RANBP17: variants seen among roughly 807,000 people sequenced by gnomAD.
RANBP17 encodes RAN binding protein 17, also known as ran-binding protein 17.
Under a neutral mutation model 141.2 loss-of-function variants are expected in RANBP17, and 158 were observed. The ratio of observed to expected loss-of-function variants is 1.12; its 90% CI spans 0.98 to 1.28. The LOEUF (loss-of-function observed/expected upper bound fraction) is 1.28. Among genes scored for constraint, RANBP17 ranks in the 50% most tolerant of loss-of-function variants. The pLI is 0.00. For missense variants in RANBP17, 1,438 were observed against 1,290.7 expected (o/e 1.11, Z -1.75); for synonymous variants, 430 against 450.0 (o/e 0.96, Z 0.56).
rs1007895517 is a variant in RANBP17 at position 171,014,051 on chromosome 5, T to C, written c.1710+45674T>C. Among the ~76,000 whole-genome samples, 12 of 152,106 alleles carry C rather than the reference T, an allele frequency of 7.9e-5. 1 individual carries two copies. Among genetic ancestry groups the C allele is most frequent in the Admixed American group, 7.9e-4 (12 of 15,262 alleles). On this transcript the variant is annotated intron_variant, in intron 14 of 27. Transcript: ENST00000523189. The stretch of plus-strand genomic sequence containing the variant: ...CACAAATTTTTATATCCTTGATGAA[T>C]TGACCTCTTTATTATTTTGAAAAGA...
intron 1 of RANBP17, among the ~76,000 whole-genome samples, chr5:170,877,413 C>G (rs1017912480): frequency 6.6e-6 from 1 of 151,920 alleles, no homozygotes; most frequent in African/African-American, 2.4e-5. Flanking sequence ...TACAGGTGTA[C>G]CCTACTATAC....
intron 12 of RANBP17, 54 bp from the exon 13 acceptor site, chr5:170,953,543 A>T: frequency 8.4e-7 from 1 of 1,186,222 alleles, no homozygotes; most frequent in Admixed American, 2.1e-5. Context: ...CCCCAAGATA[A>T]GCTACGTTTC....
chr5:170,881,148 A>G (rs1401214406), intron 2 of RANBP17, among the ~76,000 whole-genome samples: 1 of 152,208 alleles, frequency 6.6e-6, no homozygotes, highest in Non-Finnish European at 1.5e-5. Context: ...ATTGCAAAAA[A>G]CATTCTTAGG....
chr5:171,158,926 G>C (rs1251387758), intron 14 of RANBP17, among the ~76,000 whole-genome samples: 1 of 152,106 alleles, frequency 6.6e-6, no homozygotes, highest in Non-Finnish European at 1.5e-5. Flanking sequence ...TATGAATCCT[G>C]TATTTTCAGG....
At chr5:171,063,972 C>T (rs868238029) in intron 14 of RANBP17, among the ~76,000 whole-genome samples, 3 of 152,234 alleles carry the variant, frequency 2.0e-5, no homozygotes, top group Non-Finnish European at 2.9e-5. Context: ...AAGCCAGGTG[C>T]GGGATATAAT....
At chr5:171,112,603 T>C (rs1038313928) in intron 14 of RANBP17, among the ~76,000 whole-genome samples, 1 of 152,032 alleles carries the variant, frequency 6.6e-6, no homozygotes, top group East Asian at 1.9e-4. Context: ...GATTGACGGA[T>C]CTGGTAAAGG....
rs755914279 is a variant in RANBP17 at position 171,199,737 on chromosome 5, A to G, written c.2106A>G (p.Gln702=). ...CAGTTGCTTTTGAAACAGTATTACA[A>G]ATATTCAACAACAACTTTAAACAAG... The part of the protein sequence containing the change: ...PLTVAFETVL[Q]IFNNNFKQED... Residue 702 remains glutamine (Q), a synonymous_variant, in exon 19 of 28, where the codon CAA becomes CAG. Coordinates refer to ENST00000523189, the MANE Select transcript of RANBP17 (RefSeq NM_022897.5). 1.2e-6 allele frequency: 2 copies of G among 1,609,106 alleles called. No homozygotes were observed. The highest frequency in any genetic ancestry group is 8.5e-7 in the Non-Finnish European group (1 of 1,176,420).
intron 12 of RANBP17, among the ~76,000 whole-genome samples, chr5:170,929,918 T>TA (rs1269152718): frequency 7.5e-4 from 114 of 152,324 alleles, no homozygotes; most frequent in African/African-American, 2.6e-3. Flanking sequence ...GGGTCAAATT[T>TA]AGTCATTTGT....
intron 14 of RANBP17, among the ~76,000 whole-genome samples, chr5:171,004,665 C>A (rs572482584): frequency 1.1e-3 from 166 of 152,208 alleles, no homozygotes; most frequent in African/African-American, 3.8e-3. Context: ...GCTGCTAAGC[C>A]AAGGAGATCT....
At chr5:171,150,931 C>T (rs1371864630) in intron 14 of RANBP17, among the ~76,000 whole-genome samples, 1 of 152,156 alleles carries the variant, frequency 6.6e-6, no homozygotes, top group Non-Finnish European at 1.5e-5. Flanking sequence ...TGGTCCGCTG[C>T]TTTTGTGTTT....
intron 14 of RANBP17, among the ~76,000 whole-genome samples, chr5:171,068,744 G>A (rs1178694840): frequency 6.6e-6 from 1 of 151,856 alleles, no homozygotes; most frequent in Admixed American, 6.6e-5. Flanking sequence ...ACACCACCAC[G>A]CCCGGCTAAT....
intron 14 of RANBP17, among the ~76,000 whole-genome samples, chr5:171,119,985 C>T (rs1278521972): frequency 2.1e-5 from 3 of 144,122 alleles, no homozygotes; most frequent in Admixed American, 7.4e-5. Flanking sequence ...TGCGGTGAGC[C>T]GAGATCGAGC....
chr5:171,230,012 C>A lies in RANBP17; in HGVS notation c.2422+8172C>A, dbSNP rs143933829. Among the ~76,000 whole-genome samples, 483 of 152,040 alleles carry A rather than the reference C, an allele frequency of 3.2e-3. 7 individuals carry two copies. Among genetic ancestry groups the A allele is most frequent in the African/African-American group, 0.011 (466 of 41,490 alleles). Reference sequence around the variant, plus strand: ...CCCGGAAGGCAAAGGTTGCAGTGAGCCGAGATCGTGCCATTGCACTCCAGC... The same window carrying A: ...CCCGGAAGGCAAAGGTTGCAGTGAGACGAGATCGTGCCATTGCACTCCAGC... On this transcript the variant is annotated intron_variant, in intron 22 of 27. Coordinates refer to ENST00000523189, the MANE Select transcript of RANBP17 (RefSeq NM_022897.5).
intron 11 of RANBP17, among the ~76,000 whole-genome samples, chr5:170,922,475 C>T (rs1324150946): frequency 1.3e-5 from 2 of 152,024 alleles, no homozygotes; most frequent in Non-Finnish European, 2.9e-5. Context: ...GTGGGCTCTG[C>T]CCAGTCTGTG....
intron 11 of RANBP17, among the ~76,000 whole-genome samples, chr5:170,922,176 T>C (rs1397378703): frequency 6.6e-6 from 1 of 152,180 alleles, no homozygotes; most frequent in African/African-American, 2.4e-5. Context: ...ACAGCAAATA[T>C]TGCTGCCTGA....
chr5:170,919,678 T>C, intron 11 of RANBP17, 65 bp downstream of exon 11: 3 of 1,314,940 alleles, frequency 2.3e-6, no homozygotes, highest in Non-Finnish European at 3.1e-6. Context: ...TAAGATAAAG[T>C]TATAAATTTA....
chr5:171,152,673 A>G (rs1263720608), intron 14 of RANBP17, among the ~76,000 whole-genome samples: 1 of 152,056 alleles, frequency 6.6e-6, no homozygotes, highest in African/African-American at 2.4e-5. Context: ...TTTAACTTGG[A>G]TCATACTGTT....
In RANBP17 at chr5:171,006,862, G is replaced by A. The variant is rs1466543837; in HGVS notation, c.1710+38485G>A. Among the ~76,000 whole-genome samples, 4 of 152,178 alleles carry A rather than the reference G, an allele frequency of 2.6e-5. No individual in the cohort carries two copies. The South Asian group carries it at 8.3e-4, about 32-fold the overall frequency. ...GGGCTGGGTTTTCGTCTTTACGTTG[G>A]GTATTTTCTTTAAGTTTGTCATAAT... On this transcript the variant is annotated intron_variant, in intron 14 of 27. Coordinates refer to ENST00000523189, the MANE Select transcript of RANBP17 (RefSeq NM_022897.5).
At chr5:170,923,633 A>G (rs1409745511) in intron 11 of RANBP17, among the ~76,000 whole-genome samples, 5 of 152,166 alleles carry the variant, frequency 3.3e-5, no homozygotes, top group African/African-American at 4.8e-5. Context: ...GAGCATGTCT[A>G]TCTTTTAGTT....
Sources: allele counts gnomAD v4.1 joint callset (sites outside exome capture counted in the v4.1 genomes callset), GRCh38; gene constraint gnomAD v4.1.1; transcripts MANE v1.5; gene names NCBI Gene and HGNC (gene_info 2026-07-23, HGNC 2026-07-21).